DACH2: variants seen among roughly 807,000 people sequenced by gnomAD.
The protein encoded by DACH2 is dachshund homolog 2.
A neutral mutation model predicts 35.8 loss-of-function variants in DACH2; 17 were observed. The observed-to-expected ratio is 0.48, with a 90% CI of 0.33 to 0.71. The LOEUF is 0.71. Ranked by LOEUF, DACH2 falls within the 30% of genes least tolerant of loss-of-function variation. DACH2 has a pLI of 0.02. For missense variants in DACH2, 469 were observed against 472.7 expected (o/e 0.99, Z 0.07); for synonymous variants, 195 against 177.3 (o/e 1.10, Z -0.79).
intron 1 of DACH2, among the ~76,000 whole-genome samples, chrX:86,314,043 A>G (rs1354932176): frequency 2.7e-5 from 3 of 110,880 alleles, no homozygotes; most frequent in African/African-American, 9.8e-5. Flanking sequence ...GGTGAACTTA[A>G]TAAACGTGTG....
intron 10 of DACH2, 113 bp from the exon 11 acceptor site, chrX:86,815,921 C>T (rs969393277): frequency 2.1e-5 from 10 of 472,482 alleles, no homozygotes; most frequent in Non-Finnish European, 2.9e-5. Flanking sequence ...AAAATGCCAC[C>T]CAAGGTCTTA....
chrX:86,398,984 G>A (rs999008631), intron 2 of DACH2, among the ~76,000 whole-genome samples: 1 of 111,281 alleles, frequency 9.0e-6, no homozygotes, highest in Non-Finnish European at 1.9e-5. Flanking sequence ...TGACAGTGGG[G>A]TGTTAAAGTC....
chrX:86,788,191 G>A (rs2042156502), intron 7 of DACH2, among the ~76,000 whole-genome samples: 1 of 110,799 alleles, frequency 9.0e-6, no homozygotes, highest in South Asian at 3.8e-4. Flanking sequence ...TCATATACCA[G>A]TTAAACTCTG....
intron 3 of DACH2, among the ~76,000 whole-genome samples, chrX:86,610,422 C>CTTTCTTTCTT (rs2039926809): frequency 1.5e-4 from 7 of 45,878 alleles, no homozygotes; most frequent in African/African-American, 6.3e-4. Context: ...TCTTTCTTTT[C>CTTTCTTTCTT]TTTCTTTCTT....
At chrX:86,294,496 C>A (rs1377752622) in intron 1 of DACH2, among the ~76,000 whole-genome samples, 1 of 110,971 alleles carries the variant, frequency 9.0e-6, no homozygotes, top group Non-Finnish European at 1.9e-5. Flanking sequence ...GGAGGAGAGT[C>A]GCTCTGCTTT....
intron 1 of DACH2, among the ~76,000 whole-genome samples, chrX:86,299,641 G>A (rs941514050): frequency 1.8e-5 from 2 of 111,558 alleles, no homozygotes; most frequent in East Asian, 5.6e-4. Flanking sequence ...CCCAAAATTT[G>A]TTTTATATTC....
intron 3 of DACH2, among the ~76,000 whole-genome samples, chrX:86,516,105 A>G (rs1367504485): frequency 1.8e-5 from 2 of 112,075 alleles, no homozygotes; most frequent in Non-Finnish European, 3.8e-5. Context: ...GAGGGGGAAG[A>G]TAATGAATTT....
At chrX:86,222,200 C>A (rs1311953189) in intron 1 of DACH2, among the ~76,000 whole-genome samples, 1 of 112,087 alleles carries the variant, frequency 8.9e-6, no homozygotes, top group Non-Finnish European at 1.9e-5. Flanking sequence ...AATAGAAATG[C>A]ATTAAATTGG....
At chrX:86,344,470 G>GT (rs2035466230) in intron 1 of DACH2, among the ~76,000 whole-genome samples, 2 of 108,403 alleles carry the variant, frequency 1.8e-5, no homozygotes, top group Non-Finnish European at 3.8e-5. Context: ...TTACTTTTTT[G>GT]TTGTTTCTCT....
At chrX:86,702,641 G>T (rs1210029750) in intron 5 of DACH2, among the ~76,000 whole-genome samples, 1 of 111,354 alleles carries the variant, frequency 9.0e-6, no homozygotes, top group African/African-American at 3.3e-5. Context: ...AGACTACTAT[G>T]ACCACCTCTA....
intron 3 of DACH2, among the ~76,000 whole-genome samples, chrX:86,539,828 G>A (rs62593268): frequency 0.049 from 5,480 of 110,931 alleles, 117 homozygotes; most frequent in Middle Eastern, 0.11. Flanking sequence ...ATAGTGTCTG[G>A]CATAGTAAGT....
At chrX:86,200,505 G>T (rs942715824) in intron 1 of DACH2, among the ~76,000 whole-genome samples, 1 of 109,901 alleles carries the variant, frequency 9.1e-6, no homozygotes, top group Non-Finnish European at 1.9e-5. Context: ...TACAGAATGG[G>T]AGAAAATTTT....
At chrX:86,577,329 A>G (rs1175162243) in intron 3 of DACH2, among the ~76,000 whole-genome samples, 1 of 110,953 alleles carries the variant, frequency 9.0e-6, no homozygotes, top group African/African-American at 3.3e-5. Flanking sequence ...TATTATAATT[A>G]ATACTATAGC....
chrX:86,218,905 T>C (rs2032638979), intron 1 of DACH2, among the ~76,000 whole-genome samples: 1 of 112,065 alleles, frequency 8.9e-6, no homozygotes, highest in African/African-American at 3.2e-5. Context: ...GGAGAATATT[T>C]AAAGAAATAC....
intron 5 of DACH2, among the ~76,000 whole-genome samples, chrX:86,699,684 T>C (rs1485453235): frequency 9.0e-6 from 1 of 111,112 alleles, no homozygotes; most frequent in Non-Finnish European, 1.9e-5. Context: ...CCAAAAAACA[T>C]GTACAATTTA....
At chrX:86,286,863 T>C (rs770222974) in intron 1 of DACH2, among the ~76,000 whole-genome samples, 18 of 112,256 alleles carry the variant, frequency 1.6e-4, no homozygotes, top group Non-Finnish European at 3.0e-4. Context: ...TATTTTTTAT[T>C]CATTCATTGT....
chrX:86,157,226 T>C (rs950743192), intron 1 of DACH2, among the ~76,000 whole-genome samples: 2 of 111,734 alleles, frequency 1.8e-5, no homozygotes, highest in African/African-American at 6.5e-5. Flanking sequence ...ATTGACTGTT[T>C]AATGGTGTGT....
chrX:86,415,945 A>C (rs1021870301), intron 2 of DACH2, among the ~76,000 whole-genome samples: 2 of 111,948 alleles, frequency 1.8e-5, no homozygotes, highest in African/African-American at 6.5e-5. Context: ...AAAGGTACTC[A>C]TTGGTTTTAT....
At chrX:86,533,216 A>T (rs1327250426) in intron 3 of DACH2, among the ~76,000 whole-genome samples, 1 of 110,649 alleles carries the variant, frequency 9.0e-6, no homozygotes, top group Non-Finnish European at 1.9e-5. Flanking sequence ...TGCATGGCTA[A>T]ATTTTTTGTG....
Sources: allele counts gnomAD v4.1 joint callset (sites outside exome capture counted in the v4.1 genomes callset), GRCh38; gene constraint gnomAD v4.1.1; transcripts MANE v1.5; gene names NCBI Gene and HGNC (gene_info 2026-07-23, HGNC 2026-07-21).